INPP5A: variants seen among roughly 807,000 people sequenced by gnomAD.
The protein encoded by INPP5A is inositol polyphosphate-5-phosphatase A.
INPP5A carries 14 observed loss-of-function variants against 65.2 expected under a neutral mutation model. The observed-to-expected ratio is 0.21, with a 90% CI of 0.14 to 0.34. The LOEUF (loss-of-function observed/expected upper bound fraction) is 0.34, where lower values mean the gene tolerates loss of function less well. INPP5A is among the 10% of genes least tolerant of loss of function. INPP5A has a pLI of 1.00. For synonymous variants in INPP5A, 207 were observed against 208.3 expected, an observed-to-expected ratio of 0.99 and a Z score of 0.05; for missense variants, 431 against 545.6, an observed-to-expected ratio of 0.79 and a Z score of 2.09.
intron 11 of INPP5A, among the ~76,000 whole-genome samples, chr10:132,750,956 C>T (rs1404133474): frequency 6.6e-6 from 1 of 152,176 alleles, no homozygotes; most frequent in Non-Finnish European, 1.5e-5. Flanking sequence ...GTGTCAGTTT[C>T]CCCTCGTGGG....
chr10:132,601,437 C>CCATCCTGTGGCTTGTCTTT (rs1183884716), intron 1 of INPP5A, among the ~76,000 whole-genome samples: 2 of 152,214 alleles, frequency 1.3e-5, no homozygotes, highest in East Asian at 3.9e-4. Context: ...ATATTCTCTT[C>CCATCCTGTGGCTTGTCTTT]CATCCTGTGG....
chr10:132,760,355 G>A (rs1475796523), intron 11 of INPP5A, among the ~76,000 whole-genome samples: 2 of 152,242 alleles, frequency 1.3e-5, no homozygotes, highest in East Asian at 1.9e-4. Context: ...TGTGCCGCAC[G>A]CCTGCGAGGG....
At chr10:132,685,086 C>T (rs1306820530) in intron 4 of INPP5A, among the ~76,000 whole-genome samples, 1 of 152,196 alleles carries the variant, frequency 6.6e-6, no homozygotes, top group Non-Finnish European at 1.5e-5. Flanking sequence ...GGTGAAAACG[C>T]TTTATCTGTA....
In INPP5A at chr10:132,707,651, C is replaced by T. The variant is rs1346324361; in HGVS notation, c.475-662C>T. On this transcript the variant is annotated intron_variant, in intron 6 of 15. Transcript: ENST00000368594. This position sits in a 1 kb window ranked among gnomAD's most constrained non-coding sequence, Gnocchi z 5.5. ...CCATGCCATCTCGAGGGGAGCCCTG[C>T]CACCTCTTAAAGAACACCCCTCTTT... is the stretch of plus-strand genomic sequence containing the variant. Among the ~76,000 whole-genome samples, 1 of 152,180 alleles carries T rather than the reference C, an allele frequency of 6.6e-6. No homozygotes were observed. Among genetic ancestry groups the T allele is most frequent in the Non-Finnish European group, 1.5e-5 (1 of 68,036 alleles).
In INPP5A at chr10:132,545,884, C is replaced by T. The variant is rs996134787; in HGVS notation, c.75+7713C>T. ...TTTCAGGAAGGCCGACTGCCTCAAT[C>T]GTGGTTGCTGCCTCCGCTCGGCCTG... On this transcript the variant is annotated intron_variant, in intron 1 of 15. Transcript: ENST00000368594. The surrounding 1 kb of genome is among the most constrained non-coding windows in gnomAD (Gnocchi z 4.6). 3.3e-5 allele frequency among the ~76,000 whole-genome samples: 5 copies of T among 152,238 alleles called. No individual in the cohort carries two copies. The highest frequency in any genetic ancestry group is 1.3e-4 in the Admixed American group (2 of 15,284).
At chr10:132,701,320 G>C (rs980719960) in intron 6 of INPP5A, among the ~76,000 whole-genome samples, 3 of 152,242 alleles carry the variant, frequency 2.0e-5, no homozygotes, top group Admixed American at 2.0e-4. Context: ...AGCCAACACA[G>C]GCCAGGGGGC....
At chr10:132,713,260 A>C (rs553043628) in intron 8 of INPP5A, among the ~76,000 whole-genome samples, 5 of 152,052 alleles carry the variant, frequency 3.3e-5, no homozygotes, top group Non-Finnish European at 5.9e-5. Flanking sequence ...GCATGTGCAC[A>C]TAAGTGTGTA....
intron 2 of INPP5A, among the ~76,000 whole-genome samples, chr10:132,620,392 A>C (rs1001507650): frequency 6.6e-6 from 1 of 152,198 alleles, no homozygotes; most frequent in African/African-American, 2.4e-5. Context: ...TGTAAGTTCC[A>C]ACTGTAAGTC....
chr10:132,544,221 C>T (rs927937525), intron 1 of INPP5A, among the ~76,000 whole-genome samples: 4 of 152,248 alleles, frequency 2.6e-5, no homozygotes, highest in African/African-American at 9.6e-5. Flanking sequence ...CAGCGAGAAG[C>T]GCACAACCAG....
intron 9 of INPP5A, among the ~76,000 whole-genome samples, chr10:132,739,229 G>A (rs547139708): frequency 1.3e-5 from 2 of 152,302 alleles, no homozygotes; most frequent in East Asian, 3.9e-4. Flanking sequence ...ACAGAACGCC[G>A]TTCCTGGCTT....
At chr10:132,714,473 G>A (rs994857475) in intron 8 of INPP5A, among the ~76,000 whole-genome samples, 1 of 152,194 alleles carries the variant, frequency 6.6e-6, no homozygotes, top group Non-Finnish European at 1.5e-5. Context: ...GTTGGGAACC[G>A]GGCGCACATT....
chr10:132,655,130 C>T (rs112279641), intron 4 of INPP5A, among the ~76,000 whole-genome samples: 5,338 of 152,310 alleles, frequency 0.035, 308 homozygotes, highest in African/African-American at 0.12. Context: ...GCTCTGCGCC[C>T]GCATGGAAAA....
chr10:132,686,940 T>C (rs1211949145), intron 4 of INPP5A, among the ~76,000 whole-genome samples: 1 of 152,228 alleles, frequency 6.6e-6, no homozygotes, highest in Non-Finnish European at 1.5e-5. Flanking sequence ...ACTGGCTTTT[T>C]AATTTTAATT....
intron 1 of INPP5A, among the ~76,000 whole-genome samples, chr10:132,561,200 C>T (rs1303742336): frequency 2.0e-5 from 3 of 147,556 alleles, no homozygotes; most frequent in Non-Finnish European, 4.5e-5. Flanking sequence ...ATAGCAGGGA[C>T]TACAGACTTG....
chr10:132,594,602 G>T (rs2071660759), intron 1 of INPP5A, among the ~76,000 whole-genome samples: 1 of 152,112 alleles, frequency 6.6e-6, no homozygotes, highest in African/African-American at 2.4e-5. Flanking sequence ...ATGTGAGTGT[G>T]TGGGGTGCGT....
rs1215687151 is a variant in INPP5A, at chr10:132,741,377, G to A, written c.733-8140G>A. 2.0e-5 allele frequency among the ~76,000 whole-genome samples: 3 copies of A among 152,216 alleles called. No homozygotes were observed. The highest frequency in any genetic ancestry group is 4.4e-5 in the Non-Finnish European group (3 of 68,036). ...GTCACAAGTGGTTGGTCTCAGTCTG[G>A]TTCCTGCTGGACAAACACTGCAGGT... On this transcript the variant is annotated intron_variant, in intron 9 of 15. Coordinates refer to ENST00000368594, the MANE Select transcript of INPP5A (RefSeq NM_005539.5). The surrounding 1 kb of genome is among the most constrained non-coding windows in gnomAD (Gnocchi z 4.4).
intron 2 of INPP5A, among the ~76,000 whole-genome samples, chr10:132,624,244 C>T (rs1168546469): frequency 6.6e-6 from 1 of 152,240 alleles, no homozygotes. Context: ...CCCGCCTCTG[C>T]TGCGTGGTTC....
At chr10:132,553,751 G>A (rs1222436606) in intron 1 of INPP5A, among the ~76,000 whole-genome samples, 4 of 137,254 alleles carry the variant, frequency 2.9e-5, no homozygotes, top group Admixed American at 7.2e-5. Flanking sequence ...CAGAGCCTTG[G>A]TGTGGAATAT....
Position 132,590,957 on chromosome 10 carries a change from G to A in INPP5A, c.76-16958G>A, listed in dbSNP as rs148686221. Reference sequence around the variant, plus strand: ...GAACATTACCAAGGTGAGCTTGGGCGCTTCTTGTGCCATCAGCTCTGGGGG... The same window carrying A: ...GAACATTACCAAGGTGAGCTTGGGCACTTCTTGTGCCATCAGCTCTGGGGG... On this transcript the variant is annotated intron_variant, in intron 1 of 15. Transcript: ENST00000368594. Among the ~76,000 whole-genome samples the A allele has an allele frequency of 6.0e-3, 921 of 152,320 alleles. 4 individuals carry two copies. Among genetic ancestry groups the A allele is most frequent in the East Asian group, 0.039 (201 of 5,170 alleles).
Sources: gnomAD v4.1 joint callset for allele counts (sites outside exome capture counted in the v4.1 genomes callset) on GRCh38, gnomAD v4.1.1 for gene constraint, Gnocchi (gnomAD v3.1) non-coding constraint, MANE v1.5 for transcripts, NCBI Gene and HGNC (gene_info 2026-07-23, HGNC 2026-07-21) for gene names.